NAV3: variants seen among roughly 807,000 people sequenced by gnomAD.
NAV3 encodes pore membrane and/or filament interacting like protein 1.
NAV3 carries 87 observed loss-of-function variants against 244.7 expected under a neutral mutation model. The observed-to-expected ratio is 0.36, with a 90% confidence interval of 0.30 to 0.42. The LOEUF (loss-of-function observed/expected upper bound fraction) is 0.42. Among genes scored for constraint, NAV3 ranks in the 20% least tolerant of loss-of-function variants. The pLI, the probability that NAV3 is intolerant of heterozygous loss-of-function variation, is 1.00. For synonymous variants in NAV3, 1,126 were observed against 1,042.2 expected, an observed-to-expected ratio of 1.08 and a Z score of -1.55; for missense variants, 2,663 against 2,893.3, an observed-to-expected ratio of 0.92 and a Z score of 1.83.
chr12:77,743,545 G>C (rs1237141221), intron 2 of NAV3, among the ~76,000 whole-genome samples: 1 of 151,772 alleles, frequency 6.6e-6, no homozygotes, highest in African/African-American at 2.4e-5. Context: ...ACTAGAAAGA[G>C]CATAAATGAA....
rs2138638826 is a variant in NAV3 at position 78,119,895 on chromosome 12, C to T, written c.3699C>T (p.Leu1233=). 6.2e-7 allele frequency: 1 copy of T among 1,614,168 alleles called. No homozygotes were observed. ...CCAGCGCCTGTGGTGCACAAGGTCTCAGGCAGCCAGGATCCAAGTATCCAG... is the reference window on the plus strand; with the variant it reads ...CCAGCGCCTGTGGTGCACAAGGTCTTAGGCAGCCAGGATCCAAGTATCCAG... ...TSASACGAQG[L]RQPGSKYPDI... is the part of the protein sequence containing the mutation. The change falls in exon 15 of 40, where the codon CTC becomes CTT. Residue 1233 remains leucine (L), a synonymous_variant. Transcript: ENST00000397909.
intron 2 of NAV3, among the ~76,000 whole-genome samples, chr12:77,808,888 T>C (rs956685928): frequency 1.3e-5 from 2 of 152,206 alleles, no homozygotes; most frequent in African/African-American, 4.8e-5. Flanking sequence ...AGGAGGAATC[T>C]AGGGAGGCAG....
At chr12:78,036,822 A>C (rs528538838) in intron 9 of NAV3, 2 of 640,740 alleles carry the variant, frequency 3.1e-6, no homozygotes, top group Admixed American at 2.5e-5. Context: ...GTAACAAGAC[A>C]ATATGAAGTC....
chr12:77,774,033 C>A (rs146352066), intron 2 of NAV3, among the ~76,000 whole-genome samples: 157 of 152,196 alleles, frequency 1.0e-3, no homozygotes, highest in African/African-American at 3.5e-3. Context: ...AGAAATTACA[C>A]AAGCTAAGAA....
intron 2 of NAV3, among the ~76,000 whole-genome samples, chr12:77,807,447 C>T (rs961711650): frequency 2.0e-5 from 3 of 152,138 alleles, no homozygotes; most frequent in African/African-American, 7.2e-5. Context: ...CTTAGTTTGG[C>T]TGGATATGAA....
At chr12:77,929,242 C>T (rs985396712) in intron 1 of NAV3, among the ~76,000 whole-genome samples, 2 of 151,932 alleles carry the variant, frequency 1.3e-5, no homozygotes, top group Admixed American at 6.6e-5. Context: ...AAAATCAAAC[C>T]GTTTTAAAAA....
In NAV3 at chr12:78,160,361, C is replaced by A. The variant is rs1454275237; in HGVS notation, c.4869+1075C>A. ...GGATAGGTATCAGAGATAGGTGAAA[C>A]CTATAGAATTCTATGGAGTGTGTGT... is the stretch of plus-strand genomic sequence containing the variant. On this transcript the variant is annotated intron_variant, in intron 23 of 39. Transcript: ENST00000397909. Among the ~76,000 whole-genome samples, 4 of 121,424 alleles carry A rather than the reference C, an allele frequency of 3.3e-5. No individual in the cohort carries two copies. The East Asian group carries it at 1.4e-3, about 41-fold the overall frequency. The allele number at this position is 121,424 out of a possible 152,430, so 79.7% of individuals were successfully genotyped here. A position where few individuals can be genotyped will look rare whatever the true frequency, so the allele number is the denominator to read the frequency against.
At chr12:78,058,740 T>C (rs921293970) in intron 11 of NAV3, among the ~76,000 whole-genome samples, 1 of 152,160 alleles carries the variant, frequency 6.6e-6, no homozygotes, top group African/African-American at 2.4e-5. Flanking sequence ...GGTTCTATGG[T>C]AGGCTAGTTA....
chr12:77,646,812 TA>T (rs1045833253), intron 2 of NAV3, among the ~76,000 whole-genome samples: 2 of 152,028 alleles, frequency 1.3e-5, no homozygotes, highest in African/African-American at 4.8e-5. Flanking sequence ...ATAAATACAA[TA>T]AAAATAAATT....
chr12:78,203,840 C>T (rs201831068), intron 38 of NAV3, among the ~76,000 whole-genome samples: 1 of 142,556 alleles, frequency 7.0e-6, no homozygotes, highest in African/African-American at 2.6e-5. Flanking sequence ...TAATATTATA[C>T]TTTTTTTTTT....
intron 2 of NAV3, among the ~76,000 whole-genome samples, chr12:77,612,137 C>CA (rs1870944211): frequency 6.6e-6 from 1 of 151,954 alleles, no homozygotes; most frequent in South Asian, 2.1e-4. Flanking sequence ...AAAGTGTGAA[C>CA]AGACTTTTTA....
At chr12:77,643,363 A>G (rs771950351) in intron 2 of NAV3, among the ~76,000 whole-genome samples, 19 of 151,760 alleles carry the variant, frequency 1.3e-4, no homozygotes, top group Non-Finnish European at 2.1e-4. Context: ...TAATGGAACA[A>G]TTTTTCAATG....
At chr12:77,854,280 G>A (rs1878011941) in intron 1 of NAV3, among the ~76,000 whole-genome samples, 1 of 152,132 alleles carries the variant, frequency 6.6e-6, no homozygotes, top group South Asian at 2.1e-4. Flanking sequence ...TGTTTCTGTT[G>A]ATTCAGCTTA....
In NAV3 at chr12:77,978,220, A is replaced by C. The variant is rs562411874; in HGVS notation, c.671+9518A>C. On this transcript the variant is annotated intron_variant, in intron 5 of 39. Transcript: ENST00000397909. ...AACTTAAGACACACTTTTTGCCATAAATATGTAGATAACAACAATGGTGAG... is the reference window on the plus strand; with the variant it reads ...AACTTAAGACACACTTTTTGCCATACATATGTAGATAACAACAATGGTGAG... Among the ~76,000 whole-genome samples the C allele has an allele frequency of 1.4e-3, 216 of 152,272 alleles. 1 individual carries two copies. Among genetic ancestry groups the C allele is most frequent in the African/African-American group, 4.9e-3 (204 of 41,568 alleles).
chr12:77,586,879 G>C (rs1178363028), intron 2 of NAV3, among the ~76,000 whole-genome samples: 1 of 152,134 alleles, frequency 6.6e-6, no homozygotes, highest in African/African-American at 2.4e-5. Context: ...AAATGTTCTG[G>C]TGAGAATACA....
rs372592768 is a variant in NAV3, at chr12:77,975,677, C to A, written c.671+6975C>A. 7.2e-4 allele frequency among the ~76,000 whole-genome samples: 110 copies of A among 152,256 alleles called. 1 individual carries two copies. The South Asian group carries it at 0.022, about 31-fold the overall frequency. On this transcript the variant is annotated intron_variant, in intron 5 of 39. Coordinates refer to ENST00000397909, the MANE Select transcript of NAV3 (RefSeq NM_001024383.2). ...CTCTTCAAGAAGAGAAAACATCTAT[C>A]CCAGTTGCGCTGGATCAGAGGGAAA...
intron 2 of NAV3, among the ~76,000 whole-genome samples, chr12:77,681,666 C>A (rs1874475040): frequency 6.6e-6 from 1 of 152,042 alleles, no homozygotes; most frequent in African/African-American, 2.4e-5. Flanking sequence ...TTTTCCCTCC[C>A]TTTTTCAGGT....
intron 6 of NAV3, among the ~76,000 whole-genome samples, chr12:77,996,922 A>G (rs1159900219): frequency 6.6e-6 from 1 of 152,128 alleles, no homozygotes; most frequent in Non-Finnish European, 1.5e-5. Context: ...TCAATATCAT[A>G]TTTTCTAAAT....
intron 1 of NAV3, among the ~76,000 whole-genome samples, chr12:77,880,603 C>T (rs1292690209): frequency 3.3e-5 from 5 of 152,234 alleles, no homozygotes; most frequent in Middle Eastern, 3.4e-3. Context: ...CAGTAAGGTA[C>T]TGCACAGTGA....
Sources: gnomAD v4.1 joint callset for allele counts (sites outside exome capture counted in the v4.1 genomes callset) on GRCh38, gnomAD v4.1.1 for gene constraint, MANE v1.5 for transcripts, NCBI Gene and HGNC (gene_info 2026-07-23, HGNC 2026-07-21) for gene names.